The following UVSSA variants were observed in gnomAD, a reference collection of about 807,000 sequenced individuals.
UVSSA encodes UV-stimulated scaffold protein A.
In UVSSA, 72 loss-of-function variants were observed where a neutral mutation model predicts 73.9. The observed-to-expected ratio is 0.97, with a 90% CI of 0.81 to 1.19. UVSSA has a LOEUF of 1.19. UVSSA is among the 50% of genes most tolerant of loss of function. UVSSA has a pLI of 0.00. For synonymous variants in UVSSA, 454 were observed against 391.3 expected (o/e 1.16, Z -1.89); for missense variants, 1,150 against 965.0 (o/e 1.19, Z -2.54).
At chr4:1,381,885 C>G (rs1420953985) in intron 12 of UVSSA, among the ~76,000 whole-genome samples, 2 of 152,082 alleles carry the variant, frequency 1.3e-5, no homozygotes, top group African/African-American at 4.8e-5. Context: ...ATTGCCCAAG[C>G]TGGTCTTGAA....
At chr4:1,368,385 G>A (rs898606086) in intron 8 of UVSSA, among the ~76,000 whole-genome samples, 1 of 152,226 alleles carries the variant, frequency 6.6e-6, no homozygotes, top group African/African-American at 2.4e-5. Flanking sequence ...CTGAAGCAAG[G>A]CCAGAAGCGA....
chr4:1,359,369 A>T (rs968672940), intron 7 of UVSSA: 3 of 152,198 alleles, frequency 2.0e-5, no homozygotes, highest in Non-Finnish European at 4.4e-5. Context: ...GGTGGGTGTG[A>T]TCATCCGTGG....
downstream of UVSSA, chr4:1,391,566 T>A (rs1056744070): frequency 2.6e-5 from 4 of 152,176 alleles, no homozygotes; most frequent in East Asian, 3.8e-4. Flanking sequence ...GAAAAAAAAA[T>A]GTCTTTAAGT....
At chr4:1,350,654 G>C (rs920201266) in intron 3 of UVSSA, among the ~76,000 whole-genome samples, 19 of 152,168 alleles carry the variant, frequency 1.2e-4, no homozygotes, top group Non-Finnish European at 1.5e-4. Context: ...GAACACCTGG[G>C]TGTGAGGGTG....
At chr4:1,349,912 C>G in intron 3 of UVSSA, 58 bp downstream of exon 3, 1 of 1,421,226 alleles carries the variant, frequency 7.0e-7, no homozygotes, top group Middle Eastern at 1.8e-4. Flanking sequence ...GGAGGGCAGA[C>G]GATACCAGGG....
At chr4:1,363,039 T>C (rs987868701) in intron 7 of UVSSA, among the ~76,000 whole-genome samples, 1 of 152,212 alleles carries the variant, frequency 6.6e-6, no homozygotes, top group Non-Finnish European at 1.5e-5. Context: ...ACTTGAACCC[T>C]GAAAACAGCA....
chr4:1,346,887 C>T (rs916626247), upstream of UVSSA, among the ~76,000 whole-genome samples: 2 of 152,216 alleles, frequency 1.3e-5, no homozygotes, highest in Non-Finnish European at 2.9e-5. Context: ...CTCGTGCGTC[C>T]CCCTCCCCAC....
rs374032087 is a variant in UVSSA, at chr4:1,348,697, A to C, written c.98+508A>C. Among the ~76,000 whole-genome samples, 29 of 152,340 alleles carry C rather than the reference A, an allele frequency of 1.9e-4. No individual in the cohort carries two copies. In the East Asian group the frequency reaches 3.7e-3, roughly 19 times the overall value. On this transcript the variant is annotated intron_variant, in intron 2 of 13. Coordinates refer to ENST00000389851, the MANE Select transcript of UVSSA (RefSeq NM_020894.4). ...GGAGGGTGGAGCATAAGTCGAGGAC[A>C]CTGATTATTCTGTATCCTGTGTTTG...
chr4:1,361,508 G>A (rs553681765), intron 7 of UVSSA, among the ~76,000 whole-genome samples: 3 of 152,388 alleles, frequency 2.0e-5, no homozygotes, highest in South Asian at 4.1e-4. Context: ...CTATGGTGCT[G>A]TGTCTGTGTC....
At chr4:1,344,844 TTTGCTCAGGG>T (rs1170195628), upstream of UVSSA, among the ~76,000 whole-genome samples, 1 of 151,990 alleles carries the variant, frequency 6.6e-6, no homozygotes, top group Non-Finnish European at 1.5e-5. Flanking sequence ...TGCAGAAGTA[TTTGCTCAGGG>T]TGAGACATGA....
intron 8 of UVSSA, among the ~76,000 whole-genome samples, chr4:1,370,474 C>T (rs1717896897): frequency 6.6e-6 from 1 of 152,242 alleles, no homozygotes. Context: ...CTGTCTCACA[C>T]CCTCCGCTTT....
chr4:1,392,902 G>A (rs895276264), downstream of UVSSA: 2 of 152,206 alleles, frequency 1.3e-5, no homozygotes, highest in African/African-American at 4.8e-5. Context: ...CCCTTTAAGT[G>A]CTTTGCACCA....
At chr4:1,355,083 C>G (rs1278299530) in intron 6 of UVSSA, 34 bp from the exon 7 acceptor site, 6 of 1,607,892 alleles carry the variant, frequency 3.7e-6, no homozygotes, top group Non-Finnish European at 5.1e-6. Context: ...CCTGCCCGGC[C>G]GGCCCCTGAG....
rs140365902 is a variant in UVSSA, at chr4:1,366,410, G to C, written c.1267G>C (p.Asp423His). Residue 423 changes from aspartate (D) to histidine (H), a missense_variant, in exon 8 of 14, where the codon GAC (aspartate) becomes CAC (histidine). Coordinates refer to ENST00000389851, the MANE Select transcript of UVSSA (RefSeq NM_020894.4). ...EKEGYEPHIP[D>H]HLRPEYGLEA... ...GGAGGGGTATGAGCCACACATCCCC[G>C]ACCACTTGCGGCCTGAGTATGGTGA... 1 of 1,612,248 alleles carries C rather than the reference G, an allele frequency of 6.2e-7. No homozygotes were observed. The highest frequency in any genetic ancestry group is 8.5e-7 in the Non-Finnish European group (1 of 1,179,130).
At chr4:1,395,797 T>TA (rs1270206606) in exon 14 of UVSSA, 1 of 1,614,232 alleles carries the variant, frequency 6.2e-7, no homozygotes, top group Non-Finnish European at 8.5e-7. Context: ...GGCTTTTTAA[T>TA]ACGTTTTTAT....
At chr4:1,353,520 C>G (rs1253303189) in intron 5 of UVSSA, 107 bp downstream of exon 5, 5 of 1,390,616 alleles carry the variant, frequency 3.6e-6, no homozygotes, top group Non-Finnish European at 3.8e-6. Flanking sequence ...AGGGGCCTCC[C>G]CTGGGGAGCT....
chr4:1,345,834 G>A (rs898475753), upstream of UVSSA, among the ~76,000 whole-genome samples: 3 of 152,010 alleles, frequency 2.0e-5, no homozygotes, highest in Admixed American at 2.0e-4. Flanking sequence ...GTTAGTATGG[G>A]AGAAACGGCA....
intron 7 of UVSSA, among the ~76,000 whole-genome samples, chr4:1,355,925 T>C (rs1715666935): frequency 6.6e-6 from 1 of 152,068 alleles, no homozygotes; most frequent in Non-Finnish European, 1.5e-5. Flanking sequence ...GACCTTGAAC[T>C]GGCTGAGCAT....
rs758105501 is a variant in UVSSA at position 1,366,358 on chromosome 4, T to C, written c.1215T>C (p.Asp405=). 6.2e-7 allele frequency: 1 copy of C among 1,613,198 alleles called. No homozygotes were observed. The highest frequency in any genetic ancestry group is 8.5e-7 in the Non-Finnish European group (1 of 1,179,542). ...GGGATGCGGAGGAAGATGAGGACGA[T>C]GAGGACTTTGTGGAGGTCCCTGAGA... ...ALGDAEEDED[D]EDFVEVPEKE... The change falls in exon 8 of 14, where the codon GAT becomes GAC. Residue 405 remains aspartate, a synonymous_variant. Coordinates refer to ENST00000389851, the MANE Select transcript of UVSSA (RefSeq NM_020894.4).
Sources: gnomAD v4.1 joint callset for allele counts (sites outside exome capture counted in the v4.1 genomes callset) on GRCh38, gnomAD v4.1.1 for gene constraint, MANE v1.5 for transcripts, NCBI Gene and HGNC (gene_info 2026-07-23, HGNC 2026-07-21) for gene names.